The following ARL6 variants were observed in gnomAD, a reference collection of about 807,000 sequenced individuals.
ARL6 encodes the protein ARF like GTPase 6, also known as ADP-ribosylation factor-like protein 6.
Under a neutral mutation model 27.1 loss-of-function variants are expected in ARL6, and 18 were observed. The observed-to-expected ratio is 0.66, with a 90% CI of 0.46 to 0.98. The LOEUF (loss-of-function observed/expected upper bound fraction) is 0.98, where lower values mean the gene tolerates loss of function less well. ARL6 is among the 50% of genes least tolerant of loss of function. ARL6 has a pLI of 0.00. For missense variants in ARL6, 187 were observed against 214.9 expected (o/e 0.87, Z 0.81); for synonymous variants, 65 against 72.3 (o/e 0.90, Z 0.51).
chr3:97,799,470 T>G lies in ARL6; in HGVS notation c.*1421T>G, dbSNP rs2038155274. 1 of 152,064 alleles carries G rather than the reference T, an allele frequency of 6.6e-6. No individual in the cohort carries two copies. The highest frequency in any genetic ancestry group is 2.1e-4 in the South Asian group (1 of 4,830). 9.4% of individuals were successfully genotyped at this position (152,064 alleles called of 1,614,324 possible). A position where few individuals can be genotyped will look rare whatever the true frequency, so the allele number is the denominator to read the frequency against. On this transcript the variant is annotated 3_prime_UTR_variant, in exon 8 of 8. Coordinates refer to ENST00000463745, the MANE Select transcript of ARL6 (RefSeq NM_001278293.3). ...TAGAGGATACAAAATGAAAATCTCA[T>G]TAATCTAAAGTTGCTGCAGATATAG...
At chr3:97,766,530 A>G (rs934717466) in intron 1 of ARL6, 7 of 152,232 alleles carry the variant, frequency 4.6e-5, no homozygotes, top group African/African-American at 1.7e-4. Flanking sequence ...GCACTGTTCC[A>G]TCTCTTCTCT....
intron 2 of ARL6, among the ~76,000 whole-genome samples, chr3:97,773,607 A>G (rs949877021): frequency 3.3e-5 from 5 of 152,216 alleles, no homozygotes; most frequent in African/African-American, 1.2e-4. Context: ...CCCCAACCCA[A>G]ATGCTATTAC....
In ARL6 at chr3:97,764,818, T is replaced by A. The variant is rs2036285838; in HGVS notation, c.-187T>A. On this transcript the variant is annotated 5_prime_UTR_variant, in exon 1 of 8. Coordinates refer to ENST00000463745, the MANE Select transcript of ARL6 (RefSeq NM_001278293.3). ...GCAGAGGCTGCCGGTTTTCCCAACT[T>A]CTAGAGACGGCTTTGCTCATTACCA... 6.6e-6 allele frequency: 1 copy of A among 152,184 alleles called. No individual in the cohort carries two copies. Among genetic ancestry groups the A allele is most frequent in the Non-Finnish European group, 1.5e-5 (1 of 68,048 alleles). The allele number at this position is 152,184 out of a possible 1,614,324, so 9.4% of individuals were successfully genotyped here. A position where few individuals can be genotyped will look rare whatever the true frequency, so the allele number is the denominator to read the frequency against.
intron 2 of ARL6, among the ~76,000 whole-genome samples, chr3:97,774,360 C>A (rs114151140): frequency 6.6e-6 from 1 of 151,968 alleles, no homozygotes; most frequent in Non-Finnish European, 1.5e-5. Context: ...TAGAAGCAGG[C>A]GGGGGTATTG....
At chr3:97,765,935 G>A (rs2036357955) in intron 1 of ARL6, 4 of 152,182 alleles carry the variant, frequency 2.6e-5, no homozygotes, top group Admixed American at 2.6e-4. Context: ...GAAGTTTAAA[G>A]GCTCTATGAT....
intron 5 of ARL6, among the ~76,000 whole-genome samples, chr3:97,785,744 T>C (rs1034808379): frequency 6.6e-5 from 10 of 152,146 alleles, no homozygotes; most frequent in Non-Finnish European, 1.5e-4. Flanking sequence ...TGATGTATAC[T>C]TTCCTCCCGC....
At chr3:97,793,200 A>T (rs949109181) in intron 7 of ARL6, among the ~76,000 whole-genome samples, 2 of 152,216 alleles carry the variant, frequency 1.3e-5, no homozygotes, top group African/African-American at 4.8e-5. Context: ...TCATAACACC[A>T]TTAAACTGCA....
At chr3:97,787,895 T>C in intron 5 of ARL6, 95 bp from the exon 6 acceptor site, 8 of 1,316,872 alleles carry the variant, frequency 6.1e-6, no homozygotes, top group Non-Finnish European at 8.6e-6. Flanking sequence ...AAAAAGATAA[T>C]TGAAAAAAAA....
At chr3:97,772,036 G>A (rs973719227) in intron 2 of ARL6, among the ~76,000 whole-genome samples, 4 of 152,240 alleles carry the variant, frequency 2.6e-5, no homozygotes, top group Non-Finnish European at 4.4e-5. Flanking sequence ...ATTAATGCCA[G>A]TTTTGTAAAA....
chr3:97,792,914 T>C (rs1287433865), intron 7 of ARL6, among the ~76,000 whole-genome samples: 1 of 152,082 alleles, frequency 6.6e-6, no homozygotes, highest in East Asian at 1.9e-4. Context: ...AGCTACAGTC[T>C]CATAGTTACA....
Position 97,784,399 on chromosome 3 carries a change from C to T in ARL6, c.255-556C>T, listed in dbSNP as rs985570306. Among the ~76,000 whole-genome samples the T allele has an allele frequency of 1.9e-4, 28 of 151,028 alleles. 1 individual carries two copies. Among genetic ancestry groups the T allele is most frequent in the Non-Finnish European group, 2.1e-4 (14 of 67,652 alleles). ...ACATCTATATATACCTATGTGTCTA[C>T]TGTATCTTAATACAAAATGTATTTC... On this transcript the variant is annotated intron_variant, in intron 4 of 7. Coordinates refer to ENST00000463745, the MANE Select transcript of ARL6 (RefSeq NM_001278293.3).
chr3:97,783,810 G>T (rs570943332), intron 4 of ARL6, among the ~76,000 whole-genome samples: 2 of 151,810 alleles, frequency 1.3e-5, no homozygotes, highest in Non-Finnish European at 3.0e-5. Context: ...TATATGAAAA[G>T]ATATTGAACC....
At chr3:97,775,474 G>A (rs1436953934) in intron 2 of ARL6, among the ~76,000 whole-genome samples, 1 of 151,496 alleles carries the variant, frequency 6.6e-6, no homozygotes, top group South Asian at 2.1e-4. Context: ...TTTTTTGCCT[G>A]CTTTATATAT....
chr3:97,767,306 A>T (rs1422607670), intron 1 of ARL6, among the ~76,000 whole-genome samples: 1 of 152,144 alleles, frequency 6.6e-6, no homozygotes, highest in Non-Finnish European at 1.5e-5. Flanking sequence ...TTAAAATAGC[A>T]CTTAGGAGGA....
At chr3:97,794,559 A>G (rs542911193) in intron 7 of ARL6, among the ~76,000 whole-genome samples, 4 of 152,242 alleles carry the variant, frequency 2.6e-5, no homozygotes, top group East Asian at 3.9e-4. Flanking sequence ...TTATATTGTC[A>G]TATTCCCAAC....
At chr3:97,793,304 C>G (rs1056697498) in intron 7 of ARL6, 17 of 152,154 alleles carry the variant, frequency 1.1e-4, no homozygotes, top group African/African-American at 3.9e-4. Context: ...AACCCAGCAA[C>G]TTAGTTTCTT....
intron 5 of ARL6, 83 bp downstream of exon 5, chr3:97,785,132 T>C: frequency 9.9e-7 from 1 of 1,008,686 alleles, no homozygotes; most frequent in African/African-American, 1.6e-5. Flanking sequence ...TTGCTTATAC[T>C]ATGTAATTAT....
chr3:97,786,017 G>A (rs993322135), intron 5 of ARL6, among the ~76,000 whole-genome samples: 5 of 152,028 alleles, frequency 3.3e-5, no homozygotes, highest in East Asian at 1.9e-4. Context: ...AAAATTATCC[G>A]CCCTGTACAT....
At chr3:97,780,097 A>C in intron 2 of ARL6, 62 bp from the exon 3 acceptor site, 1 of 1,354,676 alleles carries the variant, frequency 7.4e-7, no homozygotes, top group East Asian at 2.3e-5. Context: ...TGGATACTTT[A>C]ACTTGAGGAA....
Sources: allele counts gnomAD v4.1 joint callset (sites outside exome capture counted in the v4.1 genomes callset), GRCh38; gene constraint gnomAD v4.1.1; transcripts MANE v1.5; gene names NCBI Gene and HGNC (gene_info 2026-07-23, HGNC 2026-07-21).